Variants in PPARGC1A observed in about 807,000 individuals in gnomAD.
PPARGC1A encodes peroxisome proliferator-activated receptor gamma coactivator 1-alpha.
In PPARGC1A, 25 loss-of-function variants were observed where a neutral mutation model predicts 88.7. The ratio of observed to expected loss-of-function variants is 0.28; its 90% confidence interval spans 0.21 to 0.39. The LOEUF is 0.39. Among genes scored for constraint, PPARGC1A ranks in the 10% least tolerant of loss-of-function variants. The probability of loss-of-function intolerance (pLI) is 1.00; values close to 1 mark genes in which losing one functional copy is unlikely to be tolerated. For synonymous variants in PPARGC1A, 363 were observed against 355.6 expected (o/e 1.02, Z -0.24); for missense variants, 880 against 968.7 (o/e 0.91, Z 1.22).
the PPARGC1A span, among the ~76,000 whole-genome samples, chr4:24,108,449 T>C: frequency 6.6e-6 from 1 of 152,134 alleles, no homozygotes; most frequent in Non-Finnish European, 1.5e-5. Flanking sequence ...TAATAAGTAT[T>C]ATTATACTAT....
chr4:24,312,314 C>T, the PPARGC1A span, among the ~76,000 whole-genome samples: 1 of 152,116 alleles, frequency 6.6e-6, no homozygotes, highest in Non-Finnish European at 1.5e-5. Flanking sequence ...TTGTGGCTTG[C>T]CATTCCATTC....
the PPARGC1A span, among the ~76,000 whole-genome samples, chr4:24,267,799 C>A: frequency 6.6e-6 from 1 of 152,122 alleles, no homozygotes. Context: ...TACTATGCAC[C>A]ATTTTATTAG....
chr4:24,051,499 A>G, the PPARGC1A span, among the ~76,000 whole-genome samples: 10,205 of 152,218 alleles, frequency 0.067, 995 homozygotes, highest in African/African-American at 0.21. Flanking sequence ...CTATGAGTTA[A>G]GTGCTATTTA....
chr4:23,994,980 G>C, the PPARGC1A span, among the ~76,000 whole-genome samples: 1 of 152,154 alleles, frequency 6.6e-6, no homozygotes, highest in South Asian at 2.1e-4. Flanking sequence ...ACATTTACGA[G>C]GGTATGTTTG....
At chr4:23,965,703 T>G in the PPARGC1A span, among the ~76,000 whole-genome samples, 2 of 152,160 alleles carry the variant, frequency 1.3e-5, no homozygotes, top group Non-Finnish European at 2.9e-5. Context: ...ATCCTCTGCC[T>G]TCTTTTGGCC....
chr4:24,382,292 C>T, the PPARGC1A span, among the ~76,000 whole-genome samples: 12 of 152,062 alleles, frequency 7.9e-5, no homozygotes, highest in South Asian at 2.1e-4. Flanking sequence ...ATAAATTATA[C>T]GTACAAACCA....
At chr4:23,856,379 T>C (rs866009339) in intron 2 of PPARGC1A, among the ~76,000 whole-genome samples, 189 of 152,216 alleles carry the variant, frequency 1.2e-3, no homozygotes, top group African/African-American at 4.4e-3. Flanking sequence ...TGTTTTAACA[T>C]ACAAAATGCC....
At chr4:23,990,282 T>G in the PPARGC1A span, among the ~76,000 whole-genome samples, 34 of 151,210 alleles carry the variant, frequency 2.2e-4, no homozygotes, top group Admixed American at 2.1e-3. Flanking sequence ...CAAGGTACTC[T>G]GAAGGCACAG....
the PPARGC1A span, among the ~76,000 whole-genome samples, chr4:24,039,043 C>T: frequency 1.5e-3 from 232 of 152,266 alleles, 1 homozygote; most frequent in Middle Eastern, 0.017. Context: ...CATTAAATAT[C>T]ATCGTAAGTA....
the PPARGC1A span, among the ~76,000 whole-genome samples, chr4:24,348,386 C>A: frequency 1.3e-5 from 2 of 152,162 alleles, no homozygotes; most frequent in Non-Finnish European, 2.9e-5. Flanking sequence ...CTTGATTATT[C>A]CCCCAGACAT....
chr4:24,378,455 T>G, the PPARGC1A span, among the ~76,000 whole-genome samples: 2 of 152,166 alleles, frequency 1.3e-5, no homozygotes, highest in Non-Finnish European at 2.9e-5. Flanking sequence ...ATTTATAAAC[T>G]GTGCTACAAC....
chr4:23,859,841 A>G (rs1392071436), intron 2 of PPARGC1A, among the ~76,000 whole-genome samples: 1 of 120,374 alleles, frequency 8.3e-6, no homozygotes, highest in Admixed American at 8.7e-5. Context: ...AAAATAAAAT[A>G]AAATAAAATA....
the PPARGC1A span, among the ~76,000 whole-genome samples, chr4:24,192,228 T>G: frequency 6.6e-6 from 1 of 152,224 alleles, no homozygotes; most frequent in Admixed American, 6.5e-5. Context: ...TCCAGACATG[T>G]GACCTTGGAC....
the PPARGC1A span, among the ~76,000 whole-genome samples, chr4:24,370,105 G>A: frequency 1.3e-5 from 2 of 152,148 alleles, no homozygotes; most frequent in African/African-American, 2.4e-5. Context: ...AGGCAACAGC[G>A]TCTAGTTAAA....
the PPARGC1A span, among the ~76,000 whole-genome samples, chr4:24,254,175 C>A: frequency 1.3e-5 from 2 of 152,180 alleles, no homozygotes; most frequent in African/African-American, 4.8e-5. Flanking sequence ...TGGATGGTTA[C>A]GAACTGCCTG....
At chr4:23,977,521 A>C in the PPARGC1A span, among the ~76,000 whole-genome samples, 5 of 152,180 alleles carry the variant, frequency 3.3e-5, no homozygotes, top group African/African-American at 1.2e-4. Context: ...CAATGAGAGA[A>C]AAATTTGTGT....
chr4:23,913,306 A>G, the PPARGC1A span, among the ~76,000 whole-genome samples: 195 of 136,316 alleles, frequency 1.4e-3, no homozygotes, highest in African/African-American at 5.2e-3. Flanking sequence ...AGAGAGAGAG[A>G]GAAAGAGAAA....
At chr4:23,839,352 G>A (rs1726626867) in intron 2 of PPARGC1A, among the ~76,000 whole-genome samples, 1 of 152,110 alleles carries the variant, frequency 6.6e-6, no homozygotes, top group African/African-American at 2.4e-5. Flanking sequence ...GGGAGGTTGT[G>A]GGGGTCATGC....
At chr4:23,949,191 A>G in the PPARGC1A span, among the ~76,000 whole-genome samples, 2 of 152,148 alleles carry the variant, frequency 1.3e-5, no homozygotes, top group African/African-American at 2.4e-5. Context: ...TTGAGTATGT[A>G]TGTACTACAT....
Sources: gnomAD v4.1 joint callset for allele counts (sites outside exome capture counted in the v4.1 genomes callset) on GRCh38, gnomAD v4.1.1 for gene constraint, MANE v1.5 for transcripts, NCBI Gene and HGNC (gene_info 2026-07-23, HGNC 2026-07-21) for gene names.